The following CCDC170 variants were observed in gnomAD, a reference collection of about 807,000 sequenced individuals.
The protein encoded by CCDC170 is coiled-coil domain containing 170.
A neutral mutation model predicts 72.6 loss-of-function variants in CCDC170; 69 were observed. That is an observed-to-expected ratio of 0.95 (90% confidence interval 0.78 to 1.16). CCDC170 has a LOEUF of 1.16. Among genes scored for constraint, CCDC170 ranks in the 50% most tolerant of loss-of-function variants. The pLI is 0.00. For synonymous variants in CCDC170, 300 were observed against 303.9 expected, an observed-to-expected ratio of 0.99 and a Z score of 0.13; for missense variants, 852 against 832.5, an observed-to-expected ratio of 1.02 and a Z score of -0.29.
chr6:151,538,231 A>C lies in CCDC170; in HGVS notation c.373A>C (p.Thr125Pro). Residue 125 changes from threonine (T) to proline (P), a missense_variant, in exon 3 of 11, where the codon ACA becomes CCA. Transcript: ENST00000239374. ...LSTSKIRTEITAHAAIKENQE... is the reference protein window; with the variant it reads ...LSTSKIRTEIPAHAAIKENQE... ...CACTTCTAAAATCAGAACAGAAATC[A>C]CAGCTCACGCTGCAATCAAGGAGAA... The C allele has an allele frequency of 6.2e-7, 1 of 1,613,954 alleles. No homozygotes were observed. Among genetic ancestry groups the C allele is most frequent in the South Asian group, 1.1e-5 (1 of 91,084 alleles).
rs534867886 is a variant in CCDC170 at position 151,542,000 on chromosome 6, C to G, written c.444-2572C>G. Among the ~76,000 whole-genome samples, 420 of 150,528 alleles carry G rather than the reference C, an allele frequency of 2.8e-3. 4 individuals are homozygous for G. The highest frequency in any genetic ancestry group is 9.7e-3 in the African/African-American group (399 of 41,096). The stretch of plus-strand genomic sequence containing the variant: ...GTTCAAGCAGTTCTCATGCCTCAGC[C>G]TCTTGAGTAGCTGGGATTACAGGCA... On this transcript the variant is annotated intron_variant, in intron 3 of 10. Coordinates refer to ENST00000239374, the MANE Select transcript of CCDC170 (RefSeq NM_025059.4).
intron 3 of CCDC170, among the ~76,000 whole-genome samples, chr6:151,539,640 A>G (rs1263979205): frequency 6.6e-6 from 1 of 152,126 alleles, no homozygotes; most frequent in African/African-American, 2.4e-5. Context: ...ATTTAGTTTC[A>G]TGGCTTTAAG....
intron 5 of CCDC170, among the ~76,000 whole-genome samples, chr6:151,549,335 C>T (rs1377627336): frequency 2.0e-5 from 3 of 151,776 alleles, no homozygotes; most frequent in Non-Finnish European, 4.4e-5. Context: ...TGTGCCTGGC[C>T]ACATTTTTTT....
intron 1 of CCDC170, among the ~76,000 whole-genome samples, chr6:151,497,676 C>T (rs1393795062): frequency 5.3e-5 from 8 of 152,040 alleles, no homozygotes; most frequent in East Asian, 1.9e-4. Context: ...TTTGAAATAA[C>T]GCTACCCAGT....
intron 9 of CCDC170, among the ~76,000 whole-genome samples, chr6:151,613,408 A>G (rs1386366568): frequency 6.6e-6 from 1 of 152,174 alleles, no homozygotes; most frequent in Non-Finnish European, 1.5e-5. Context: ...GTCTCAAAAA[A>G]AGTGTACAAT....
In CCDC170 at chr6:151,531,094, G is replaced by A. The variant is rs79359690; in HGVS notation, c.58-5224G>A. On this transcript the variant is annotated intron_variant, in intron 1 of 10. Coordinates refer to ENST00000239374, the MANE Select transcript of CCDC170 (RefSeq NM_025059.4). ...GCATTGCTTTTGTGCTTAGAAAGTCGGCTATGGCTTTCATGTTTGTGTTGT... is the reference window on the plus strand; with the variant it reads ...GCATTGCTTTTGTGCTTAGAAAGTCAGCTATGGCTTTCATGTTTGTGTTGT... 1.1e-3 allele frequency among the ~76,000 whole-genome samples: 162 copies of A among 152,168 alleles called. 1 individual carries two copies. Among genetic ancestry groups the A allele is most frequent in the South Asian group, 9.7e-3 (47 of 4,826 alleles).
intron 6 of CCDC170, among the ~76,000 whole-genome samples, chr6:151,574,264 G>A (rs1455207520): frequency 6.6e-6 from 1 of 152,188 alleles, no homozygotes; most frequent in Non-Finnish European, 1.5e-5. Context: ...TTAATGGAAA[G>A]GCATGGCAGT....
chr6:151,549,710 AGCCATTGAGCCCT>A (rs1347589964), intron 5 of CCDC170, among the ~76,000 whole-genome samples: 1 of 152,236 alleles, frequency 6.6e-6, no homozygotes, highest in Non-Finnish European at 1.5e-5. Context: ...TACAGGCATG[AGCCATTGAGCCCT>A]GCCCCAGTGA....
At chr6:151,572,922 G>T (rs1199282455) in intron 5 of CCDC170, among the ~76,000 whole-genome samples, 1 of 151,964 alleles carries the variant, frequency 6.6e-6, no homozygotes. Context: ...AAAATGCTGG[G>T]ATTACAGGTG....
chr6:151,539,331 A>G (rs1782644446), intron 3 of CCDC170, among the ~76,000 whole-genome samples: 1 of 152,172 alleles, frequency 6.6e-6, no homozygotes, highest in Admixed American at 6.5e-5. Flanking sequence ...GCTCCACTGA[A>G]ACCACTCATT....
rs1189958300 is a variant in CCDC170, at chr6:151,494,018, C to A, written c.-111C>A. On this transcript the variant is annotated 5_prime_UTR_variant, in exon 1 of 11. Coordinates refer to ENST00000239374, the MANE Select transcript of CCDC170 (RefSeq NM_025059.4). Reference sequence around the variant, plus strand: ...GCAGCCGCGCGCCGCCGCGTCCCCGCGGTGTTTACCCGTTGCCCGAGGAGA... The same window carrying A: ...GCAGCCGCGCGCCGCCGCGTCCCCGAGGTGTTTACCCGTTGCCCGAGGAGA... The A allele has an allele frequency of 2.8e-6, 3 of 1,059,476 alleles. No homozygotes were observed. The highest frequency in any genetic ancestry group is 8.5e-5 in the Admixed American group (2 of 23,462). 65.6% of individuals were successfully genotyped at this position (1,059,476 alleles called of 1,614,324 possible).
intron 1 of CCDC170, among the ~76,000 whole-genome samples, chr6:151,524,780 G>A (rs1441925154): frequency 6.6e-6 from 1 of 151,950 alleles, no homozygotes; most frequent in Non-Finnish European, 1.5e-5. Context: ...TATACACATT[G>A]TGCCTATACA....
chr6:151,558,426 G>A (rs80028074), intron 5 of CCDC170, among the ~76,000 whole-genome samples: 1 of 151,678 alleles, frequency 6.6e-6, no homozygotes, highest in Non-Finnish European at 1.5e-5. Flanking sequence ...GCCTACTTTT[G>A]TTTTTGTTGC....
chr6:151,599,965 A>G (rs924842966), intron 9 of CCDC170, among the ~76,000 whole-genome samples: 1 of 152,226 alleles, frequency 6.6e-6, no homozygotes, highest in Non-Finnish European at 1.5e-5. Context: ...ACAGATCCAC[A>G]TACTTTTACA....
In CCDC170 at chr6:151,619,462, T is replaced by A. The variant is rs1401110532; in HGVS notation, c.*1315T>A. 6.6e-6 allele frequency: 1 copy of A among 152,240 alleles called. No homozygotes were observed. The highest frequency in any genetic ancestry group is 1.5e-5 in the Non-Finnish European group (1 of 68,042). 9.4% of individuals were successfully genotyped at this position (152,240 alleles called of 1,614,324 possible). A position where few individuals can be genotyped will look rare whatever the true frequency, so the allele number is the denominator to read the frequency against. Reference sequence around the variant, plus strand: ...ATGTGTTACTCTTTTGGACAATTTATCTTATTTCTATCATATAAGATGTAT... The same window carrying A: ...ATGTGTTACTCTTTTGGACAATTTAACTTATTTCTATCATATAAGATGTAT... On this transcript the variant is annotated 3_prime_UTR_variant, in exon 11 of 11. Coordinates refer to ENST00000239374, the MANE Select transcript of CCDC170 (RefSeq NM_025059.4).
intron 6 of CCDC170, among the ~76,000 whole-genome samples, chr6:151,575,359 A>C (rs1184865701): frequency 6.6e-6 from 1 of 150,638 alleles, no homozygotes; most frequent in African/African-American, 2.4e-5. Flanking sequence ...AAAATTCTCC[A>C]AAATTCAAGC....
chr6:151,605,377 AG>A (rs1216179161), intron 9 of CCDC170, among the ~76,000 whole-genome samples: 2 of 152,224 alleles, frequency 1.3e-5, no homozygotes, highest in Admixed American at 1.3e-4. Flanking sequence ...GAGGCTAGCA[AG>A]GGTTCATGCC....
At chr6:151,543,349 T>G (rs1782720703) in intron 3 of CCDC170, among the ~76,000 whole-genome samples, 1 of 152,198 alleles carries the variant, frequency 6.6e-6, no homozygotes, top group Non-Finnish European at 1.5e-5. Context: ...TGTACATATT[T>G]ATGGGATATG....
chr6:151,568,035 G>A (rs545794535), intron 5 of CCDC170, among the ~76,000 whole-genome samples: 3 of 150,346 alleles, frequency 2.0e-5, no homozygotes, highest in South Asian at 4.2e-4. Flanking sequence ...GCTTGAACCC[G>A]GGAGGCGGAG....
Sources: allele counts gnomAD v4.1 joint callset (sites outside exome capture counted in the v4.1 genomes callset), GRCh38; gene constraint gnomAD v4.1.1; transcripts MANE v1.5; gene names NCBI Gene and HGNC (gene_info 2026-07-23, HGNC 2026-07-21).